The following LINC00632 variants were observed in gnomAD, a reference collection of about 807,000 sequenced individuals.
LINC00632 encodes the protein long independently transcribed non-coding RNA 632.
chrX:140,755,962 G>A (rs1007821083), intron 3 of LINC00632, among the ~76,000 whole-genome samples: 22 of 109,123 alleles, frequency 2.0e-4, no homozygotes, highest in Non-Finnish European at 4.2e-4. Flanking sequence ...AAATGGACAA[G>A]TACATATTGG....
chrX:140,786,802 G>A (rs1932025502), exon 5 of LINC00632, among the ~76,000 whole-genome samples: 1 of 111,634 alleles, frequency 9.0e-6, no homozygotes, highest in Non-Finnish European at 1.9e-5. Context: ...GAATGATTAA[G>A]TAAATGTGCC....
chrX:140,750,271 A>C, intron 3 of LINC00632, among the ~76,000 whole-genome samples: 2 of 110,671 alleles, frequency 1.8e-5, no homozygotes, highest in Non-Finnish European at 3.8e-5. Context: ...TGGGGTAAGG[A>C]GGAGACGTTT....
chrX:140,709,798 T>A (rs1201246308), exon 1 of LINC00632: 1 of 339,768 alleles, frequency 2.9e-6, no homozygotes, highest in Non-Finnish European at 5.9e-6. Flanking sequence ...GGAGACAGCA[T>A]GCCACTGGTA....
intron 2 of LINC00632, among the ~76,000 whole-genome samples, chrX:140,728,863 C>A (rs1395629220): frequency 9.0e-6 from 1 of 111,318 alleles, no homozygotes; most frequent in Non-Finnish European, 1.9e-5. Context: ...CTAGAACACA[C>A]AGAATCTCAT....
exon 5 of LINC00632, among the ~76,000 whole-genome samples, chrX:140,789,725 T>G (rs1173685794): frequency 8.9e-6 from 1 of 112,114 alleles, no homozygotes; most frequent in Admixed American, 9.5e-5. Context: ...TTTCATACAT[T>G]TACTAGCTAT....
intron 2 of LINC00632, chrX:140,712,326 T>C (rs930277865): frequency 1.9e-5 from 2 of 107,809 alleles, no homozygotes; most frequent in Non-Finnish European, 3.8e-5. Flanking sequence ...TCAGGTGTGC[T>C]ATTCCTCTTA....
exon 5 of LINC00632, chrX:140,783,045 A>G (rs1279343691): frequency 8.7e-6 from 1 of 114,665 alleles, no homozygotes; most frequent in Admixed American, 9.2e-5. Context: ...AGTGTCTATG[A>G]CTTCCAATAT....
intron 2 of LINC00632, among the ~76,000 whole-genome samples, chrX:140,732,779 T>C (rs1023479227): frequency 2.7e-5 from 3 of 109,508 alleles, no homozygotes; most frequent in East Asian, 2.9e-4. Context: ...TTTTTTTTTT[T>C]CTGAGACAGA....
At chrX:140,726,274 C>T (rs1319094390) in intron 2 of LINC00632, among the ~76,000 whole-genome samples, 1 of 111,362 alleles carries the variant, frequency 9.0e-6, no homozygotes, top group Non-Finnish European at 1.9e-5. Context: ...CCCCACAACG[C>T]ACGCACATGC....
exon 5 of LINC00632, among the ~76,000 whole-genome samples, chrX:140,774,519 CTGA>C (rs1469245313): frequency 4.5e-5 from 5 of 111,267 alleles, no homozygotes; most frequent in African/African-American, 1.6e-4. Flanking sequence ...TCTGATGGCT[CTGA>C]TGATATGGTG....
At chrX:140,749,846 A>C (rs1171893144) in intron 3 of LINC00632, among the ~76,000 whole-genome samples, 1 of 109,499 alleles carries the variant, frequency 9.1e-6, no homozygotes, top group Non-Finnish European at 1.9e-5. Context: ...TGCCTGGCTA[A>C]TTTTAAACAT....
chrX:140,777,944 T>G (rs1931893471), exon 5 of LINC00632, among the ~76,000 whole-genome samples: 1 of 112,177 alleles, frequency 8.9e-6, no homozygotes, highest in Non-Finnish European at 1.9e-5. Context: ...GGTTCAAGTT[T>G]TACCATGTTT....
In LINC00632 at chrX:140,762,240, A is replaced by AGCGAGAGAGAGAGAGCGAGC. The variant is rs1556027060; in HGVS notation, n.192-9837_192-9836insCGAGAGAGAGAGAGCGAGCG. On this transcript the variant is annotated intron_variant and non_coding_transcript_variant, in intron 3 of 4. Transcript: ENST00000648200. ...GAGAGAGAGAGAGAGAGAGAGAGAG[A>AGCGAGAGAGAGAGAGCGAGC]GAGCACTCTTATCTTTCCCCACTAG... 7.8e-4 allele frequency among the ~76,000 whole-genome samples: 84 copies of AGCGAGAGAGAGAGAGCGAGC among 107,951 alleles called. 1 individual carries two copies. The highest frequency in any genetic ancestry group is 2.8e-3 in the African/African-American group (81 of 29,221). The allele number at this position is 107,951 out of a possible 115,157, so 93.7% of individuals were successfully genotyped here. A position where few individuals can be genotyped will look rare whatever the true frequency, so the allele number is the denominator to read the frequency against.
intron 3 of LINC00632, among the ~76,000 whole-genome samples, chrX:140,759,830 T>A (rs1339874868): frequency 6.3e-5 from 7 of 111,767 alleles, no homozygotes; most frequent in Non-Finnish European, 1.1e-4. Flanking sequence ...AGGGTGCTGA[T>A]AGTCTAACAA....
chrX:140,729,254 C>CA (rs1931017147), intron 2 of LINC00632, among the ~76,000 whole-genome samples: 1 of 110,142 alleles, frequency 9.1e-6, no homozygotes, highest in Non-Finnish European at 1.9e-5. Flanking sequence ...CACCTCATAT[C>CA]ACATCGAGAA....
intron 2 of LINC00632, among the ~76,000 whole-genome samples, chrX:140,716,853 A>G (rs1333208192): frequency 9.1e-6 from 1 of 110,184 alleles, no homozygotes; most frequent in African/African-American, 3.3e-5. Context: ...TATGCCCTAC[A>G]TCATACAAAC....
In LINC00632 at chrX:140,743,548, G is replaced by A. The variant is rs185206978; in HGVS notation, n.191+9584G>A. On this transcript the variant is annotated intron_variant and non_coding_transcript_variant, in intron 3 of 4. Coordinates refer to ENST00000648200, the Ensembl canonical transcript of LINC00632. Reference sequence around the variant, plus strand: ...CTTTATATTACCCAACATGAGTTGCGTGTGAATTTTTACAAAAAAAAAGGT... The same window carrying A: ...CTTTATATTACCCAACATGAGTTGCATGTGAATTTTTACAAAAAAAAAGGT... 7.2e-5 allele frequency among the ~76,000 whole-genome samples: 8 copies of A among 110,576 alleles called. No individual in the cohort carries two copies. In the East Asian group the frequency reaches 1.1e-3, roughly 16 times the overall value.
chrX:140,719,297 C>A (rs1930689315), intron 2 of LINC00632, among the ~76,000 whole-genome samples: 1 of 110,352 alleles, frequency 9.1e-6, no homozygotes, highest in Non-Finnish European at 1.9e-5. Context: ...GATAAACAGT[C>A]ACTCCTTTTT....
In LINC00632 at chrX:140,773,206, A is replaced by AAGAAGAGAAGAGAAGAGAAG. The variant is rs200954862; in HGVS notation, n.1326_1345dup. 2.8e-3 allele frequency among the ~76,000 whole-genome samples: 301 copies of AAGAAGAGAAGAGAAGAGAAG among 109,085 alleles called. 2 individuals carry two copies. The highest frequency in any genetic ancestry group is 9.7e-3 in the African/African-American group (276 of 28,587). 94.7% of individuals were successfully genotyped at this position (109,085 alleles called of 115,157 possible). ...AGAGAAGAGAAAAGAGAAGAGAAGA[A>AAGAAGAGAAGAGAAGAGAAG]AGAAGAGAAGAGAAGAGAAGAGAAG... On this transcript the variant is annotated non_coding_transcript_exon_variant, in exon 4 of 5. Coordinates refer to ENST00000648200, the Ensembl canonical transcript of LINC00632.
Sources: allele counts gnomAD v4.1 joint callset (sites outside exome capture counted in the v4.1 genomes callset), GRCh38; gene constraint gnomAD v4.1.1; transcripts MANE v1.5; gene names NCBI Gene and HGNC (gene_info 2026-07-23, HGNC 2026-07-21).